Variants in DNM1 observed in about 807,000 individuals in gnomAD.
DNM1 encodes the protein dynamin-1.
A neutral mutation model predicts 104.6 loss-of-function variants in DNM1; 29 were observed. That is an observed-to-expected ratio of 0.28 (90% CI 0.21 to 0.38). DNM1 has a LOEUF of 0.38. Among genes scored for constraint, DNM1 ranks in the 10% least tolerant of loss-of-function variants. The pLI is 1.00. For synonymous variants in DNM1, 445 were observed against 475.8 expected (o/e 0.94, Z 0.84); for missense variants, 640 against 1,189.4 (o/e 0.54, Z 6.79).
At chr9:128,231,922 G>T in intron 10 of DNM1, 1 of 442,866 alleles carries the variant, frequency 2.3e-6, no homozygotes, top group Non-Finnish European at 4.5e-6. Flanking sequence ...CTGCTAACCC[G>T]GTGGGCTCCA....
Position 128,222,698 on chromosome 9 carries a change from C to T in DNM1, c.1129-95C>T. 1.3e-6 allele frequency: 2 copies of T among 1,598,972 alleles called. No homozygotes were observed. Among genetic ancestry groups the T allele is most frequent in the Non-Finnish European group, 8.6e-7 (1 of 1,168,494 alleles). Reference sequence around the variant, plus strand: ...TTTGCTGGCCCCCACCCCACAGGCCCTGATGCCCAGCCCTAGGTGTGGGGT... The same window carrying T: ...TTTGCTGGCCCCCACCCCACAGGCCTTGATGCCCAGCCCTAGGTGTGGGGT... On this transcript the variant is annotated intron_variant, in intron 8 of 21. Coordinates refer to ENST00000372923, the MANE Select transcript of DNM1 (RefSeq NM_004408.4). This position sits in a 1 kb window ranked among gnomAD's most constrained non-coding sequence, Gnocchi z 7.8.
intron 15 of DNM1, chr9:128,244,862 TG>T: frequency 2.0e-6 from 1 of 511,704 alleles, no homozygotes. Context: ...GTCCATCCGG[TG>T]GGCGCTTCAG....
In DNM1 at chr9:128,218,830, C is replaced by A; in HGVS notation, c.385+99C>A. ...CCTGCAGACTCCGCCCCTAGAATGACCCTGCCTCTGCATCATCCTATTCCA... is the reference window on the plus strand; with the variant it reads ...CCTGCAGACTCCGCCCCTAGAATGAACCTGCCTCTGCATCATCCTATTCCA... On this transcript the variant is annotated intron_variant, in intron 3 of 21. Transcript: ENST00000372923. The surrounding 1 kb of genome is among the most constrained non-coding windows in gnomAD (Gnocchi z 4.8). 1 of 1,431,822 alleles carries A rather than the reference C, an allele frequency of 7.0e-7. No individual in the cohort carries two copies. Among genetic ancestry groups the A allele is most frequent in the Non-Finnish European group, 9.3e-7 (1 of 1,074,950 alleles). The allele number at this position is 1,431,822 out of a possible 1,614,324, so 88.7% of individuals were successfully genotyped here. A position where few individuals can be genotyped will look rare whatever the true frequency, so the allele number is the denominator to read the frequency against.
rs1191611677 is a variant in DNM1 at position 128,254,560 on chromosome 9, C to T, written c.2535-94C>T. The T allele has an allele frequency of 5.1e-6, 8 of 1,582,728 alleles. No homozygotes were observed. Among genetic ancestry groups the T allele is most frequent in the Middle Eastern group, 2.3e-4 (1 of 4,418 alleles). On this transcript the variant is annotated intron_variant, in intron 21 of 21. Coordinates refer to ENST00000372923, the MANE Select transcript of DNM1 (RefSeq NM_004408.4). The surrounding 1 kb of genome is among the most constrained non-coding windows in gnomAD (Gnocchi z 6.1). ...CCCGGCCCTCCCACCACTGCTGCGG[C>T]GCGGCCGGCCCCGGCCGTGTGCTGC...
rs185490197 is a variant in DNM1, at chr9:128,253,060, G to T, written c.2535-1594G>T. On this transcript the variant is annotated intron_variant, in intron 21 of 21. Coordinates refer to ENST00000372923, the MANE Select transcript of DNM1 (RefSeq NM_004408.4). The surrounding 1 kb of genome is among the most constrained non-coding windows in gnomAD (Gnocchi z 5.9). ...CCCCACCCCCAGGCCGGCCCCACCC[G>T]TGCGTGTGAACTGCCATGTTGATTT... 1.9e-6 allele frequency: 3 copies of T among 1,605,404 alleles called. No individual in the cohort carries two copies. The highest frequency in any genetic ancestry group is 1.7e-5 in the Admixed American group (1 of 59,920).
intron 15 of DNM1, among the ~76,000 whole-genome samples, chr9:128,242,637 G>C (rs777322013): frequency 6.6e-6 from 1 of 152,176 alleles, no homozygotes; most frequent in Non-Finnish European, 1.5e-5. Flanking sequence ...GCGGGCGCCT[G>C]TAATCCCAGC....
rs77325628 is a variant in DNM1 at position 128,218,703 on chromosome 9, T to A, written c.357T>A (p.Pro119=). The A allele has an allele frequency of 6.2e-6, 10 of 1,607,638 alleles. No individual in the cohort carries two copies. The highest frequency in any genetic ancestry group is 8.5e-6 in the Non-Finnish European group (10 of 1,175,300). ...TGTNKGISPV[P]INLRVYSPHV... ...CCAACAAGGGCATCTCGCCGGTGCCTATCAACCTCCGCGTCTACTCGCCGC... is the reference window on the plus strand; with the variant it reads ...CCAACAAGGGCATCTCGCCGGTGCCAATCAACCTCCGCGTCTACTCGCCGC... Residue 119 remains proline, a synonymous_variant, in exon 3 of 22, where the codon CCT becomes CCA. Transcript: ENST00000372923. This position sits in a 1 kb window ranked among gnomAD's most constrained non-coding sequence, Gnocchi z 4.8.
intron 19 of DNM1, among the ~76,000 whole-genome samples, 177 bp from the exon 20 acceptor site, chr9:128,249,938 C>G (rs1032981578): frequency 3.9e-5 from 6 of 152,148 alleles, no homozygotes; most frequent in Non-Finnish European, 8.8e-5. Flanking sequence ...CTGTGGACCT[C>G]AGTGTCCTCA....
At position 128,222,127 on chromosome 9, in the gene DNM1, C is replaced by G; in HGVS notation, c.850-70C>G. 6.5e-7 allele frequency: 1 copy of G among 1,545,802 alleles called. No homozygotes were observed. ...CCACCTCACCACGTTCACACAGTCCCCTGGCATCCAAGTCCCTTCCTGGCC... is the reference window on the plus strand; with the variant it reads ...CCACCTCACCACGTTCACACAGTCCGCTGGCATCCAAGTCCCTTCCTGGCC... On this transcript the variant is annotated intron_variant, in intron 6 of 21. Transcript: ENST00000372923. This position sits in a 1 kb window ranked among gnomAD's most constrained non-coding sequence, Gnocchi z 7.8.
chr9:128,253,230 A>G lies in DNM1; in HGVS notation c.2535-1424A>G. ...GGCGCGCACCTGGGACCTCAGAGCC[A>G]GGCTCCCCGCCCCTCCCTTCTGCAG... On this transcript the variant is annotated intron_variant, in intron 21 of 21. Coordinates refer to ENST00000372923, the MANE Select transcript of DNM1 (RefSeq NM_004408.4). This position sits in a 1 kb window ranked among gnomAD's most constrained non-coding sequence, Gnocchi z 5.9. 4 of 1,234,854 alleles carry G rather than the reference A, an allele frequency of 3.2e-6. 1 individual carries two copies. The South Asian group carries it at 3.7e-5, about 11-fold the overall frequency. The allele number at this position is 1,234,854 out of a possible 1,614,324, so 76.5% of individuals were successfully genotyped here. A position where few individuals can be genotyped will look rare whatever the true frequency, so the allele number is the denominator to read the frequency against.
At position 128,235,871 on chromosome 9, in the gene DNM1, C is replaced by T. The variant is rs367664786; in HGVS notation, c.1422+1764C>T. ...CTGGGGCTACAGGTACATGCCACTACGCCTGGCTAATTTTAAAATTTTTTT... is the reference window on the plus strand; with the variant it reads ...CTGGGGCTACAGGTACATGCCACTATGCCTGGCTAATTTTAAAATTTTTTT... On this transcript the variant is annotated intron_variant, in intron 11 of 21. Transcript: ENST00000372923. 6.6e-5 allele frequency among the ~76,000 whole-genome samples: 10 copies of T among 152,148 alleles called. No homozygotes were observed. In the East Asian group the frequency reaches 1.2e-3, roughly 18 times the overall value.
chr9:128,246,763 C>T, intron 16 of DNM1, among the ~76,000 whole-genome samples: 1 of 149,986 alleles, frequency 6.7e-6, no homozygotes, highest in East Asian at 2.0e-4. Context: ...TCCTTTCCTC[C>T]CTCCCTCCCT....
intron 10 of DNM1, among the ~76,000 whole-genome samples, chr9:128,228,989 AAAAG>A (rs1835502307): frequency 1.4e-5 from 2 of 141,776 alleles, no homozygotes; most frequent in East Asian, 2.2e-4. Flanking sequence ...TCTCAAAAAA[AAAAG>A]AAAGAAAGAA....
In DNM1 at chr9:128,220,258, C is replaced by G. The variant is rs1456731322; in HGVS notation, c.766C>G (p.Arg256Gly). ...KDITAALAAERKFFLSHPSYR... is the reference protein window; with the variant it reads ...KDITAALAAEGKFFLSHPSYR... ...CATTACCGCCGCCTTGGCTGCTGAACGAAAGTTCTTCCTCTCCCATCCATC... is the reference window on the plus strand; with the variant it reads ...CATTACCGCCGCCTTGGCTGCTGAAGGAAAGTTCTTCCTCTCCCATCCATC... Residue 256 changes from arginine to glycine, a missense_variant, in exon 6 of 22, where the codon CGA becomes GGA. Coordinates refer to ENST00000372923, the MANE Select transcript of DNM1 (RefSeq NM_004408.4). The surrounding 1 kb of genome is among the most constrained non-coding windows in gnomAD (Gnocchi z 5.2). 1 of 1,614,228 alleles carries G rather than the reference C, an allele frequency of 6.2e-7. No individual in the cohort carries two copies. Among genetic ancestry groups the G allele is most frequent in the Non-Finnish European group, 8.5e-7 (1 of 1,180,048 alleles).
At chr9:128,228,147 T>G (rs1835456949) in intron 10 of DNM1, among the ~76,000 whole-genome samples, 1 of 152,198 alleles carries the variant, frequency 6.6e-6, no homozygotes, top group African/African-American at 2.4e-5. Context: ...GTTCAAGCGA[T>G]TCTCCTGCCT....
chr9:128,231,958 CT>C, intron 10 of DNM1: 1 of 455,994 alleles, frequency 2.2e-6, no homozygotes, highest in South Asian at 1.6e-5. Context: ...CAGCCAAGGG[CT>C]GAGAGGGGAA....
Position 128,254,854 on chromosome 9 carries a change from AT to A in DNM1, c.*142del, listed in dbSNP as rs1302106298. ...ATCTGTTGTAGTGGTGAGCTGATAC[AT>A]TCAGGTGTGACCGTTGGTGAAAACT... On this transcript the variant is annotated 3_prime_UTR_variant, in exon 22 of 22. Coordinates refer to ENST00000372923, the MANE Select transcript of DNM1 (RefSeq NM_004408.4). The surrounding 1 kb of genome is among the most constrained non-coding windows in gnomAD (Gnocchi z 6.1). 4 of 713,132 alleles carry A rather than the reference AT, an allele frequency of 5.6e-6. No homozygotes were observed. The highest frequency in any genetic ancestry group is 9.6e-6 in the Non-Finnish European group (4 of 418,690). The allele number at this position is 713,132 out of a possible 1,614,324, so 44.2% of individuals were successfully genotyped here.
In DNM1 at chr9:128,253,313, T is replaced by TGAGC; in HGVS notation, c.2535-1341_2535-1340insGAGC. 1.6e-6 allele frequency: 1 copy of TGAGC among 633,402 alleles called. No individual in the cohort carries two copies. The highest frequency in any genetic ancestry group is 2.8e-6 in the Non-Finnish European group (1 of 359,108). 39.2% of individuals were successfully genotyped at this position (633,402 alleles called of 1,614,324 possible). ...GTGCCGCTGGCTCTCTCACCTCCCT[T>TGAGC]CCCTGCGAGCCTCGGGACTCAGTGC... On this transcript the variant is annotated intron_variant, in intron 21 of 21. Transcript: ENST00000372923. This position sits in a 1 kb window ranked among gnomAD's most constrained non-coding sequence, Gnocchi z 5.9.
chr9:128,249,984 T>G (rs2131296640), intron 19 of DNM1, 131 bp from the exon 20 acceptor site: 2 of 1,353,274 alleles, frequency 1.5e-6, no homozygotes, highest in South Asian at 1.3e-5. Flanking sequence ...AGGTGAATCT[T>G]CCAGTCTACG....
Sources: gnomAD v4.1 joint callset for allele counts (sites outside exome capture counted in the v4.1 genomes callset) on GRCh38, gnomAD v4.1.1 for gene constraint, Gnocchi (gnomAD v3.1) non-coding constraint, MANE v1.5 for transcripts, NCBI Gene and HGNC (gene_info 2026-07-23, HGNC 2026-07-21) for gene names.